RORB: variants seen among roughly 807,000 people sequenced by gnomAD.
RORB encodes RAR related orphan receptor B, also known as nuclear receptor ROR-beta.
In RORB, 6 loss-of-function variants were observed where a neutral mutation model predicts 59.1. That is an observed-to-expected ratio of 0.10 (90% confidence interval 0.06 to 0.20). The LOEUF is 0.20. RORB is among the 10% of genes least tolerant of loss of function. The pLI is 1.00. For synonymous variants in RORB, 215 were observed against 204.5 expected (o/e 1.05, Z -0.44); for missense variants, 320 against 560.5 (o/e 0.57, Z 4.33).
intron 9 of RORB, among the ~76,000 whole-genome samples, chr9:74,680,271 T>A (rs1235538299): frequency 6.6e-6 from 1 of 152,200 alleles, no homozygotes; most frequent in Admixed American, 6.5e-5. Flanking sequence ...GAACTACGAA[T>A]TGGGAAGCCT....
In RORB at chr9:74,690,743, G is replaced by C. The variant is rs775082135; in HGVS notation, c.*5125G>C. 3.3e-5 allele frequency: 5 copies of C among 152,106 alleles called. No individual in the cohort carries two copies. Among genetic ancestry groups the C allele is most frequent in the African/African-American group, 4.8e-5 (2 of 41,416 alleles). 9.4% of individuals were successfully genotyped at this position (152,106 alleles called of 1,614,324 possible). A position where few individuals can be genotyped will look rare whatever the true frequency, so the allele number is the denominator to read the frequency against. ...TTGGTATTTGATTGTCACAACTAGAGGATATAACAGGAGGTCAGTTTAAAA... is the reference window on the plus strand; with the variant it reads ...TTGGTATTTGATTGTCACAACTAGACGATATAACAGGAGGTCAGTTTAAAA... On this transcript the variant is annotated 3_prime_UTR_variant, in exon 10 of 10. Coordinates refer to ENST00000376896, the MANE Select transcript of RORB (RefSeq NM_006914.4).
chr9:74,679,054 C>CAAAAAAAAA (rs1264565504), intron 9 of RORB, among the ~76,000 whole-genome samples: 1 of 137,046 alleles, frequency 7.3e-6, no homozygotes, highest in Non-Finnish European at 1.6e-5. Context: ...CAAAAACAAA[C>CAAAAAAAAA]AAACAAAAAA....
intron 1 of RORB, among the ~76,000 whole-genome samples, chr9:74,580,280 CT>C (rs1822702528): frequency 1.3e-5 from 2 of 152,164 alleles, no homozygotes; most frequent in Admixed American, 1.3e-4. Flanking sequence ...GTAAAATAAA[CT>C]TCCCTGTGAC....
chr9:74,605,863 C>T (rs868839323), intron 1 of RORB, among the ~76,000 whole-genome samples: 15 of 152,152 alleles, frequency 9.9e-5, no homozygotes, highest in South Asian at 8.3e-4. Flanking sequence ...GGCTGGAGAG[C>T]GTTTTCAGAC....
At chr9:74,569,626 T>C (rs1040777806) in intron 1 of RORB, among the ~76,000 whole-genome samples, 1 of 152,110 alleles carries the variant, frequency 6.6e-6, no homozygotes, top group Non-Finnish European at 1.5e-5. Context: ...GAATGTGTGC[T>C]GTTTTTATAA....
intron 1 of RORB, among the ~76,000 whole-genome samples, chr9:74,549,088 T>C (rs761855284): frequency 1.3e-5 from 2 of 152,226 alleles, no homozygotes; most frequent in African/African-American, 2.4e-5. Flanking sequence ...TTTTGAAATA[T>C]GCGTACTGCT....
chr9:74,563,911 A>G (rs928539904), intron 1 of RORB, among the ~76,000 whole-genome samples: 5 of 152,212 alleles, frequency 3.3e-5, no homozygotes, highest in African/African-American at 1.2e-4. Flanking sequence ...AGAAGGCAGG[A>G]AAGACCAGTG....
chr9:74,627,358 C>T (rs1477833005), intron 1 of RORB, among the ~76,000 whole-genome samples: 2 of 152,132 alleles, frequency 1.3e-5, no homozygotes, highest in Non-Finnish European at 2.9e-5. Context: ...TTTCCACACA[C>T]AGCTATACAC....
intron 1 of RORB, among the ~76,000 whole-genome samples, chr9:74,607,119 A>C (rs1304814331): frequency 2.0e-5 from 3 of 152,204 alleles, no homozygotes; most frequent in Non-Finnish European, 2.9e-5. Context: ...GCGATGTTGC[A>C]TATTCAGCAA....
At chr9:74,610,777 A>G (rs1823221710) in intron 1 of RORB, among the ~76,000 whole-genome samples, 1 of 152,244 alleles carries the variant, frequency 6.6e-6, no homozygotes. Context: ...GTTCTGAAAC[A>G]TGAGCATGCC....
chr9:74,583,052 TG>T (rs1473085902), intron 1 of RORB, among the ~76,000 whole-genome samples: 2 of 152,120 alleles, frequency 1.3e-5, no homozygotes, highest in Non-Finnish European at 2.9e-5. Context: ...GCACATGGAC[TG>T]GGCCCCCATG....
chr9:74,566,119 C>T (rs1822464728), intron 1 of RORB, among the ~76,000 whole-genome samples: 1 of 152,116 alleles, frequency 6.6e-6, no homozygotes, highest in African/African-American at 2.4e-5. Flanking sequence ...CTGTCCTTTA[C>T]CAACCCCTGT....
chr9:74,592,035 C>T (rs375016919), intron 1 of RORB, among the ~76,000 whole-genome samples: 4 of 151,824 alleles, frequency 2.6e-5, no homozygotes, highest in South Asian at 2.1e-4. Flanking sequence ...TTTTTGGTTT[C>T]GCAAAATAGG....
At chr9:74,533,768 T>A (rs750187068) in intron 1 of RORB, among the ~76,000 whole-genome samples, 30 of 152,060 alleles carry the variant, frequency 2.0e-4, no homozygotes, top group Non-Finnish European at 3.5e-4. Context: ...TAGATAAATG[T>A]CTAATTCCTT....
chr9:74,674,132 T>C (rs561568926), intron 9 of RORB, among the ~76,000 whole-genome samples: 157 of 152,208 alleles, frequency 1.0e-3, no homozygotes, highest in African/African-American at 3.7e-3. Flanking sequence ...TAGGATGCCC[T>C]CTCATCAAAT....
At chr9:74,630,543 T>A (rs1377387667) in intron 2 of RORB, among the ~76,000 whole-genome samples, 176 bp downstream of exon 2, 2 of 152,174 alleles carry the variant, frequency 1.3e-5, no homozygotes, top group Non-Finnish European at 2.9e-5. Flanking sequence ...TTTTGCCTTT[T>A]ACCTTTTTGT....
intron 1 of RORB, among the ~76,000 whole-genome samples, chr9:74,594,012 C>T (rs1587375369): frequency 6.6e-6 from 1 of 152,250 alleles, no homozygotes; most frequent in African/African-American, 2.4e-5. Context: ...TTAGAAAGCG[C>T]TCCATGCAAA....
chr9:74,655,550 T>G (rs942762211), intron 4 of RORB, among the ~76,000 whole-genome samples: 1 of 152,248 alleles, frequency 6.6e-6, no homozygotes, highest in African/African-American at 2.4e-5. Context: ...TTGTCTGGAC[T>G]TTCTCATGTG....
chr9:74,582,687 C>T (rs1822741474), intron 1 of RORB, among the ~76,000 whole-genome samples: 2 of 152,196 alleles, frequency 1.3e-5, no homozygotes, highest in South Asian at 4.1e-4. Flanking sequence ...AGCCACTGCT[C>T]CTCTGGACAG....
Sources: allele counts gnomAD v4.1 joint callset (sites outside exome capture counted in the v4.1 genomes callset), GRCh38; gene constraint gnomAD v4.1.1; transcripts MANE v1.5; gene names NCBI Gene and HGNC (gene_info 2026-07-23, HGNC 2026-07-21).